The following SNX13 variants were observed in gnomAD, a reference collection of about 807,000 sequenced individuals.
SNX13 encodes sorting nexin-13.
Under a neutral mutation model 133.6 loss-of-function variants are expected in SNX13, and 45 were observed. That is an observed-to-expected ratio of 0.34 (90% CI 0.27 to 0.43). The LOEUF (loss-of-function observed/expected upper bound fraction) is 0.43. Ranked by LOEUF, SNX13 falls within the 20% of genes least tolerant of loss-of-function variation. The pLI, the probability that SNX13 is intolerant of heterozygous loss-of-function variation, is 1.00. For missense variants in SNX13, 1,032 were observed against 1,145.1 expected (o/e 0.90, Z 1.43); for synonymous variants, 414 against 373.9 (o/e 1.11, Z -1.24).
chr7:17,851,190 C>T (rs898613149), intron 9 of SNX13, among the ~76,000 whole-genome samples: 1 of 152,178 alleles, frequency 6.6e-6, no homozygotes, highest in Non-Finnish European at 1.5e-5. Context: ...TAGGAACATG[C>T]TCACAGTATT....
chr7:17,939,004 T>C (rs1802442658), intron 1 of SNX13, among the ~76,000 whole-genome samples: 1 of 152,174 alleles, frequency 6.6e-6, no homozygotes, highest in Admixed American at 6.5e-5. Context: ...AAATATAAAA[T>C]GAACTTCAAA....
rs2128280808 is a variant in SNX13 at position 17,793,918 on chromosome 7, A to G, written c.*127T>C. On this transcript the variant is annotated 3_prime_UTR_variant, in exon 26 of 26. Transcript: ENST00000428135. ...AGAAGAACCACAGACTTATGGATGT[A>G]TTAATAATCTATTTTGAGACACTAA... 1.0e-6 allele frequency: 1 copy of G among 975,454 alleles called. No homozygotes were observed. Among genetic ancestry groups the G allele is most frequent in the South Asian group, 1.8e-5 (1 of 54,684 alleles). The allele number at this position is 975,454 out of a possible 1,614,324, so 60.4% of individuals were successfully genotyped here.
intron 20 of SNX13, among the ~76,000 whole-genome samples, chr7:17,812,787 C>G (rs1010706733): frequency 6.6e-6 from 1 of 152,154 alleles, no homozygotes; most frequent in Non-Finnish European, 1.5e-5. Flanking sequence ...AAATGTGGCA[C>G]ATATACACCA....
intron 18 of SNX13, among the ~76,000 whole-genome samples, chr7:17,818,977 A>G (rs1045889994): frequency 2.6e-5 from 4 of 152,182 alleles, no homozygotes; most frequent in African/African-American, 9.7e-5. Context: ...CACAGTAGCT[A>G]TTACACTACA....
At chr7:17,858,317 A>G (rs1792183771) in intron 9 of SNX13, among the ~76,000 whole-genome samples, 1 of 152,182 alleles carries the variant, frequency 6.6e-6, no homozygotes, top group Non-Finnish European at 1.5e-5. Flanking sequence ...AAATCAACAT[A>G]TAATACTGAG....
At chr7:17,840,067 A>C in intron 12 of SNX13, 67 bp from the exon 13 acceptor site, 2 of 1,350,648 alleles carry the variant, frequency 1.5e-6, no homozygotes, top group South Asian at 3.0e-5. Context: ...ATGTAGTTTT[A>C]TGACAAGTAA....
At chr7:17,815,800 T>C (rs982935489) in intron 19 of SNX13, among the ~76,000 whole-genome samples, 3 of 152,176 alleles carry the variant, frequency 2.0e-5, no homozygotes, top group Admixed American at 6.5e-5. Context: ...ATCTAAAAGA[T>C]ACATTTAGGA....
intron 7 of SNX13, among the ~76,000 whole-genome samples, chr7:17,873,989 T>C (rs1164760664): frequency 6.6e-6 from 1 of 152,182 alleles, no homozygotes; most frequent in Admixed American, 6.5e-5. Context: ...ATAGCTGTAA[T>C]TCTTCTTTCA....
chr7:17,875,893 GTAAATT>G (rs1324881608), intron 5 of SNX13, 103 bp from the exon 6 acceptor site: 1 of 938,232 alleles, frequency 1.1e-6, no homozygotes, highest in Non-Finnish European at 1.5e-6. Flanking sequence ...ATCTGAGACT[GTAAATT>G]TAAATTGAGA....
intron 20 of SNX13, among the ~76,000 whole-genome samples, chr7:17,805,781 T>G (rs1785228801): frequency 6.6e-6 from 1 of 152,216 alleles, no homozygotes; most frequent in African/African-American, 2.4e-5. Context: ...TAAAAATAGT[T>G]GTCTGTGTAG....
intron 9 of SNX13, among the ~76,000 whole-genome samples, chr7:17,867,804 CAG>C: frequency 6.6e-6 from 1 of 151,854 alleles, no homozygotes; most frequent in East Asian, 1.9e-4. Flanking sequence ...AAAGTATTCC[CAG>C]AAGGTGGCCC....
intron 7 of SNX13, among the ~76,000 whole-genome samples, chr7:17,874,830 T>C (rs981365557): frequency 1.3e-5 from 2 of 152,206 alleles, no homozygotes; most frequent in African/African-American, 2.4e-5. Flanking sequence ...GACAAGCCCG[T>C]TGAAATCTAT....
chr7:17,939,272 C>T (rs992803527), intron 1 of SNX13, among the ~76,000 whole-genome samples: 2 of 152,194 alleles, frequency 1.3e-5, no homozygotes, highest in African/African-American at 4.8e-5. Flanking sequence ...AAACTGTTTC[C>T]TATTCAGTTC....
intron 16 of SNX13, among the ~76,000 whole-genome samples, chr7:17,828,752 C>G (rs189326905): frequency 2.0e-5 from 3 of 151,052 alleles, no homozygotes; most frequent in African/African-American, 7.3e-5. Context: ...TACCATGTGA[C>G]AAAAGAGACT....
At chr7:17,830,774 C>G (rs1788400707) in intron 15 of SNX13, 9 of 981,672 alleles carry the variant, frequency 9.2e-6, no homozygotes, top group Non-Finnish European at 9.7e-6. Context: ...ATTAAACACA[C>G]AAACAAATCT....
intron 3 of SNX13, among the ~76,000 whole-genome samples, chr7:17,893,101 C>A (rs1169972669): frequency 6.6e-6 from 1 of 152,180 alleles, no homozygotes; most frequent in Non-Finnish European, 1.5e-5. Context: ...TAACCAATTT[C>A]TATCGTTTTC....
intron 18 of SNX13, among the ~76,000 whole-genome samples, chr7:17,820,282 T>A (rs1159201610): frequency 6.6e-6 from 1 of 152,134 alleles, no homozygotes; most frequent in African/African-American, 2.4e-5. Flanking sequence ...CTCAAATTAT[T>A]TTTTAAATTA....
chr7:17,810,337 A>G (rs1041772476), intron 20 of SNX13, among the ~76,000 whole-genome samples: 1 of 152,178 alleles, frequency 6.6e-6, no homozygotes, highest in Non-Finnish European at 1.5e-5. Flanking sequence ...AACACTATAA[A>G]CAACTCTACA....
chr7:17,795,433 T>C (rs574097683), intron 25 of SNX13: 1 of 151,840 alleles, frequency 6.6e-6, no homozygotes, highest in Non-Finnish European at 1.5e-5. Context: ...TATAAATTTA[T>C]ATGCTTTCAT....
Sources: allele counts gnomAD v4.1 joint callset (sites outside exome capture counted in the v4.1 genomes callset), GRCh38; gene constraint gnomAD v4.1.1; transcripts MANE v1.5; gene names NCBI Gene and HGNC (gene_info 2026-07-23, HGNC 2026-07-21).